RSPO2: variants seen among roughly 807,000 people sequenced by gnomAD.
RSPO2 encodes R-spondin-2.
RSPO2 carries 14 observed loss-of-function variants against 30.9 expected under a neutral mutation model. That is an observed-to-expected ratio of 0.45 (90% CI 0.30 to 0.71). The LOEUF is 0.71. Ranked by LOEUF, RSPO2 falls within the 30% of genes least tolerant of loss-of-function variation. The pLI, the probability that RSPO2 is intolerant of heterozygous loss-of-function variation, is 0.08. For synonymous variants in RSPO2, 107 were observed against 96.4 expected (o/e 1.11, Z -0.64); for missense variants, 264 against 301.9 (o/e 0.87, Z 0.93).
chr8:107,915,829 A>G (rs1228773495), intron 5 of RSPO2, among the ~76,000 whole-genome samples: 2 of 152,142 alleles, frequency 1.3e-5, no homozygotes, highest in Non-Finnish European at 2.9e-5. Context: ...CCTGCGGCCT[A>G]TTGGGAAACA....
intron 3 of RSPO2, among the ~76,000 whole-genome samples, chr8:107,973,787 C>G (rs939986443): frequency 2.0e-5 from 3 of 152,166 alleles, no homozygotes; most frequent in Admixed American, 1.3e-4. Flanking sequence ...CTTTTTTCCC[C>G]CCATCTTCTT....
intron 5 of RSPO2, among the ~76,000 whole-genome samples, chr8:107,929,100 G>A (rs1019938297): frequency 6.6e-6 from 1 of 152,204 alleles, no homozygotes; most frequent in African/African-American, 2.4e-5. Flanking sequence ...CATGGACTGT[G>A]AGTTGTCTGA....
At chr8:107,924,967 A>G (rs917669198) in intron 5 of RSPO2, among the ~76,000 whole-genome samples, 5 of 152,104 alleles carry the variant, frequency 3.3e-5, no homozygotes, top group African/African-American at 1.2e-4. Flanking sequence ...TCTCCATAAA[A>G]TATCAGTATA....
At chr8:107,931,074 A>G (rs186235631) in intron 5 of RSPO2, among the ~76,000 whole-genome samples, 1 of 152,340 alleles carries the variant, frequency 6.6e-6, no homozygotes, top group Admixed American at 6.5e-5. Context: ...AGTATAGATT[A>G]CTGCTATAAA....
chr8:107,941,649 CTAAT>C (rs1383908756), intron 5 of RSPO2, among the ~76,000 whole-genome samples: 4 of 152,154 alleles, frequency 2.6e-5, no homozygotes, highest in African/African-American at 9.7e-5. Context: ...ATGAATAAAT[CTAAT>C]CAGTGAGAGT....
At position 108,003,277 on chromosome 8, in the gene RSPO2, GTATATATATATATATATATATA is replaced by G. The variant is rs59782097; in HGVS notation, c.95-14055_95-14034del. ...TGTGTGTGTGTGTGTGTGTGTGTGT[GTATATATATATATATATATATA>G]TATATATATATATTTTTTTTTTTTT... On this transcript the variant is annotated intron_variant, in intron 2 of 5. Coordinates refer to ENST00000276659, the MANE Select transcript of RSPO2 (RefSeq NM_178565.5). Among the ~76,000 whole-genome samples, 369 of 56,326 alleles carry G rather than the reference GTATATATATATATATATATATA, an allele frequency of 6.6e-3. 3 individuals carry two copies. Among genetic ancestry groups the G allele is most frequent in the Middle Eastern group, 0.011 (1 of 92 alleles). The allele number at this position is 56,326 out of a possible 152,430, so 37.0% of individuals were successfully genotyped here. A position where few individuals can be genotyped will look rare whatever the true frequency, so the allele number is the denominator to read the frequency against.
intron 2 of RSPO2, among the ~76,000 whole-genome samples, chr8:108,080,859 A>G (rs1164152070): frequency 2.0e-5 from 3 of 152,368 alleles, no homozygotes; most frequent in Admixed American, 2.0e-4. Flanking sequence ...ACTTATAAAA[A>G]GAGGAAAAGC....
chr8:107,981,220 A>T (rs1814418819), intron 3 of RSPO2, among the ~76,000 whole-genome samples: 1 of 152,106 alleles, frequency 6.6e-6, no homozygotes. Context: ...ATTAAATTAC[A>T]TTATTCAAGA....
intron 2 of RSPO2, among the ~76,000 whole-genome samples, chr8:108,025,067 A>G (rs1811169016): frequency 6.6e-6 from 1 of 152,212 alleles, no homozygotes; most frequent in Admixed American, 6.5e-5. Flanking sequence ...ATAAAAGCAG[A>G]AACAAATTTA....
intron 2 of RSPO2, among the ~76,000 whole-genome samples, chr8:108,058,350 G>A (rs1346317097): frequency 2.0e-5 from 3 of 152,040 alleles, no homozygotes; most frequent in Non-Finnish European, 4.4e-5. Context: ...AATAAAAGAG[G>A]ATACAAACAA....
At chr8:107,927,083 T>A (rs1812401792) in intron 5 of RSPO2, among the ~76,000 whole-genome samples, 1 of 152,192 alleles carries the variant, frequency 6.6e-6, no homozygotes, top group Non-Finnish European at 1.5e-5. Flanking sequence ...GAGCAGTGGT[T>A]TATAGTTCTC....
chr8:108,059,860 G>C (rs1456073132), intron 2 of RSPO2, among the ~76,000 whole-genome samples: 1 of 115,068 alleles, frequency 8.7e-6, no homozygotes, highest in Non-Finnish European at 1.7e-5. Flanking sequence ...TGTGGGGTGG[G>C]GGGAGGGGGG....
chr8:107,943,729 C>A (rs959858829), intron 5 of RSPO2, among the ~76,000 whole-genome samples: 3 of 152,070 alleles, frequency 2.0e-5, no homozygotes, highest in African/African-American at 4.8e-5. Flanking sequence ...ACAATTATAC[C>A]AAATAGAGGA....
intron 2 of RSPO2, among the ~76,000 whole-genome samples, chr8:108,031,174 A>G (rs1213261571): frequency 6.6e-6 from 1 of 152,212 alleles, no homozygotes; most frequent in Non-Finnish European, 1.5e-5. Flanking sequence ...CTATTTATAA[A>G]TCATGGTGTT....
chr8:108,081,885 C>A, intron 2 of RSPO2: 1 of 985,124 alleles, frequency 1.0e-6, no homozygotes, highest in African/African-American at 1.7e-5. Flanking sequence ...GCGAGGACTC[C>A]CCAGAAAACC....
intron 2 of RSPO2, among the ~76,000 whole-genome samples, chr8:107,991,432 C>A (rs1009251022): frequency 6.6e-6 from 1 of 151,950 alleles, no homozygotes; most frequent in Admixed American, 6.6e-5. Context: ...AAGGTAAAAC[C>A]CAGAACTATA....
At chr8:108,027,249 G>C (rs2130625320) in intron 2 of RSPO2, among the ~76,000 whole-genome samples, 1 of 152,316 alleles carries the variant, frequency 6.6e-6, no homozygotes, top group Non-Finnish European at 1.5e-5. Flanking sequence ...GGGATTCTCA[G>C]TAGTTAGATT....
chr8:107,908,442 A>T (rs1191454609), intron 5 of RSPO2, among the ~76,000 whole-genome samples: 1 of 152,202 alleles, frequency 6.6e-6, no homozygotes, highest in Non-Finnish European at 1.5e-5. Context: ...ATTGTAAAGG[A>T]CAAAGTTTTC....
intron 2 of RSPO2, among the ~76,000 whole-genome samples, chr8:108,055,240 C>G (rs182349947): frequency 6.6e-6 from 1 of 152,238 alleles, no homozygotes; most frequent in Non-Finnish European, 1.5e-5. Context: ...GAGTGAACAG[C>G]AAATGCAAAG....
Sources: allele counts gnomAD v4.1 joint callset (sites outside exome capture counted in the v4.1 genomes callset), GRCh38; gene constraint gnomAD v4.1.1; transcripts MANE v1.5; gene names NCBI Gene and HGNC (gene_info 2026-07-23, HGNC 2026-07-21).